CNTNAP2: variants seen among roughly 807,000 people sequenced by gnomAD.
CNTNAP2 encodes contactin-associated protein-like 2.
CNTNAP2 carries 98 observed loss-of-function variants against 155.2 expected under a neutral mutation model. The ratio of observed to expected loss-of-function variants is 0.63; its 90% confidence interval spans 0.54 to 0.75. The LOEUF is 0.75. Among genes scored for constraint, CNTNAP2 ranks in the 30% least tolerant of loss-of-function variants. The pLI is 0.00. For missense variants in CNTNAP2, 1,727 were observed against 1,688.1 expected (o/e 1.02, Z -0.40); for synonymous variants, 651 against 631.2 (o/e 1.03, Z -0.47).
chr7:146,344,342 A>C (rs1794784564), intron 1 of CNTNAP2, among the ~76,000 whole-genome samples: 1 of 152,220 alleles, frequency 6.6e-6, no homozygotes. Flanking sequence ...AGAAAACTAA[A>C]GGTCATTTAG....
intron 3 of CNTNAP2, among the ~76,000 whole-genome samples, chr7:146,853,392 T>C (rs982267967): frequency 5.9e-5 from 9 of 152,142 alleles, no homozygotes; most frequent in Admixed American, 1.3e-4. Context: ...CAGGCACATG[T>C]ACACACACAC....
intron 2 of CNTNAP2, among the ~76,000 whole-genome samples, chr7:146,830,516 T>C (rs1033844608): frequency 2.6e-5 from 4 of 152,174 alleles, no homozygotes; most frequent in Non-Finnish European, 2.9e-5. Context: ...ACATATCTAA[T>C]AATACATTGT....
intron 7 of CNTNAP2, among the ~76,000 whole-genome samples, chr7:147,129,964 T>C (rs1364613037): frequency 6.6e-6 from 1 of 152,204 alleles, no homozygotes; most frequent in East Asian, 1.9e-4. Context: ...ACAGGTATTG[T>C]GCTAGGCAAG....
At chr7:147,391,413 C>T (rs2116444586) in intron 9 of CNTNAP2, among the ~76,000 whole-genome samples, 1 of 152,132 alleles carries the variant, frequency 6.6e-6, no homozygotes, top group East Asian at 1.9e-4. Context: ...AGACTCCTGA[C>T]CATAAAGTTT....
chr7:147,717,752 G>C (rs899852733), intron 13 of CNTNAP2, among the ~76,000 whole-genome samples: 1 of 152,014 alleles, frequency 6.6e-6, no homozygotes, highest in African/African-American at 2.4e-5. Context: ...GGGCAGGGCG[G>C]GGCACATGCT....
intron 3 of CNTNAP2, among the ~76,000 whole-genome samples, chr7:146,905,532 T>C (rs1338946285): frequency 2.6e-5 from 4 of 152,198 alleles, no homozygotes; most frequent in Non-Finnish European, 5.9e-5. Context: ...TCTTGATTTA[T>C]AAAGAAAGTG....
chr7:146,673,595 A>G (rs1329234841), intron 1 of CNTNAP2, among the ~76,000 whole-genome samples: 3 of 152,210 alleles, frequency 2.0e-5, no homozygotes, highest in Non-Finnish European at 4.4e-5. Context: ...AATCACACAC[A>G]GGGTCCACCT....
chr7:146,837,224 C>T (rs1301569173), intron 2 of CNTNAP2, among the ~76,000 whole-genome samples: 2 of 152,040 alleles, frequency 1.3e-5, no homozygotes, highest in African/African-American at 2.4e-5. Flanking sequence ...TGTCTCACAA[C>T]TTACTGGAAT....
At chr7:147,224,749 T>A (rs550604026) in intron 8 of CNTNAP2, among the ~76,000 whole-genome samples, 187 of 152,280 alleles carry the variant, frequency 1.2e-3, no homozygotes, top group Middle Eastern at 3.4e-3. Flanking sequence ...TGCATAACTG[T>A]TAACATTATC....
intron 15 of CNTNAP2, among the ~76,000 whole-genome samples, chr7:148,108,556 G>T (rs1454252925): frequency 6.6e-6 from 1 of 152,146 alleles, no homozygotes; most frequent in Non-Finnish European, 1.5e-5. Flanking sequence ...GCTCCCCGTG[G>T]TTGGAACTGG....
chr7:148,375,235 T>C (rs1798960356), intron 21 of CNTNAP2, among the ~76,000 whole-genome samples: 2 of 141,918 alleles, frequency 1.4e-5, no homozygotes, highest in Admixed American at 1.6e-4. Flanking sequence ...TATGTATATA[T>C]GTATGTTATA....
intron 9 of CNTNAP2, among the ~76,000 whole-genome samples, chr7:147,302,361 C>T (rs1192531548): frequency 6.6e-6 from 1 of 152,160 alleles, no homozygotes; most frequent in Non-Finnish European, 1.5e-5. Flanking sequence ...ACATTCATGG[C>T]ATAGAGTTTA....
Position 148,297,187 on chromosome 7 carries a change from A to AGGAAGGAAGGAAGGAAGGAG in CNTNAP2, c.3475+30080_3475+30081insGGGAAGGAAGGAAGGAAGGA, listed in dbSNP as rs1554413961. Among the ~76,000 whole-genome samples the AGGAAGGAAGGAAGGAAGGAG allele has an allele frequency of 2.8e-3, 427 of 150,534 alleles. 1 individual carries two copies. The highest frequency in any genetic ancestry group is 9.3e-3 in the African/African-American group (378 of 40,626). The stretch of plus-strand genomic sequence containing the variant: ...AGAAAAGGAAGGAAGGAAGGAAGGA[A>AGGAAGGAAGGAAGGAAGGAG]GGAAGGAAGGAAGGAAGGAAAAACA... On this transcript the variant is annotated intron_variant, in intron 21 of 23. Coordinates refer to ENST00000361727, the MANE Select transcript of CNTNAP2 (RefSeq NM_014141.6).
At position 146,536,074 on chromosome 7, in the gene CNTNAP2, A is replaced by T. The variant is rs1584969755; in HGVS notation, c.98-238197A>T. Among the ~76,000 whole-genome samples the T allele has an allele frequency of 1.3e-5, 2 of 152,236 alleles. 1 individual carries two copies. The highest frequency in any genetic ancestry group is 3.9e-4 in the East Asian group (2 of 5,164). On this transcript the variant is annotated intron_variant, in intron 1 of 23. Transcript: ENST00000361727. ...ACGTTTATTTTCTCCTTTCTCCCTC[A>T]TTCTACAATAATGAGAAAAAAGCAG...
In CNTNAP2 at chr7:148,411,851, A is replaced by G. The variant is rs557798120; in HGVS notation, c.3796+2380A>G. ...GCACTTTTGTTAAAGCAACTGACAT[A>G]TGTGTGTGTGTGTGTGTGTGTCTAT... is the stretch of plus-strand genomic sequence containing the variant. On this transcript the variant is annotated intron_variant, in intron 23 of 23. Transcript: ENST00000361727. Among the ~76,000 whole-genome samples the G allele has an allele frequency of 2.2e-3, 324 of 147,852 alleles. 1 individual carries two copies. Among genetic ancestry groups the G allele is most frequent in the Non-Finnish European group, 3.8e-3 (256 of 67,362 alleles).
intron 4 of CNTNAP2, among the ~76,000 whole-genome samples, chr7:147,053,814 G>C (rs369569694): frequency 2.0e-5 from 3 of 152,072 alleles, no homozygotes; most frequent in African/African-American, 7.2e-5. Flanking sequence ...TTAAAGAGAA[G>C]AATAAAGTAA....
intron 15 of CNTNAP2, among the ~76,000 whole-genome samples, chr7:148,084,721 C>T (rs1034828551): frequency 2.6e-5 from 4 of 152,134 alleles, no homozygotes; most frequent in Non-Finnish European, 4.4e-5. Flanking sequence ...TCATTTGGGT[C>T]TCTTGTCCAG....
At chr7:146,498,062 A>G (rs1480466368) in intron 1 of CNTNAP2, among the ~76,000 whole-genome samples, 2 of 152,164 alleles carry the variant, frequency 1.3e-5, no homozygotes, top group Non-Finnish European at 2.9e-5. Context: ...CAAAGTAATA[A>G]ATGGCATGTA....
At chr7:147,766,548 A>G (rs79504636) in intron 13 of CNTNAP2, among the ~76,000 whole-genome samples, 268 of 152,196 alleles carry the variant, frequency 1.8e-3, no homozygotes, top group African/African-American at 6.2e-3. Flanking sequence ...GGGGGTAGAT[A>G]TTGAGTCTGA....
Sources: gnomAD v4.1 joint callset for allele counts (sites outside exome capture counted in the v4.1 genomes callset) on GRCh38, gnomAD v4.1.1 for gene constraint, MANE v1.5 for transcripts, NCBI Gene and HGNC (gene_info 2026-07-23, HGNC 2026-07-21) for gene names.